SREK1: variants seen among roughly 807,000 people sequenced by gnomAD.
The protein encoded by SREK1 is splicing regulatory glutamic acid and lysine rich protein 1.
Under a neutral mutation model 66.5 loss-of-function variants are expected in SREK1, and 13 were observed. The ratio of observed to expected loss-of-function variants is 0.20; its 90% CI spans 0.13 to 0.31. SREK1 has a LOEUF of 0.31. SREK1 is among the 10% of genes least tolerant of loss of function. The probability of loss-of-function intolerance (pLI) is 1.00; values close to 1 mark genes in which losing one functional copy is unlikely to be tolerated. For missense variants in SREK1, 607 were observed against 769.6 expected, an observed-to-expected ratio of 0.79 and a Z score of 2.50; for synonymous variants, 265 against 263.5, an observed-to-expected ratio of 1.01 and a Z score of -0.05.
rs1309376243 is a variant in SREK1, at chr5:66,182,200, G to A, written c.*3332G>A. ...CTTATAATTTCAGTGAATCATTTAC[G>A]TTTTCATTGGAAGACAGTATCTGAT... On this transcript the variant is annotated 3_prime_UTR_variant, in exon 12 of 12. Coordinates refer to ENST00000334121, the MANE Select transcript of SREK1 (RefSeq NM_001077199.3). 6.6e-6 allele frequency: 1 copy of A among 152,074 alleles called. No individual in the cohort carries two copies. The highest frequency in any genetic ancestry group is 2.4e-5 in the African/African-American group (1 of 41,420). 9.4% of individuals were successfully genotyped at this position (152,074 alleles called of 1,614,324 possible).
chr5:66,155,266 GT>G (rs1744191089), intron 2 of SREK1, among the ~76,000 whole-genome samples: 1 of 152,270 alleles, frequency 6.6e-6, no homozygotes, highest in Non-Finnish European at 1.5e-5. Context: ...CAGTTTTACT[GT>G]TTTTGAACAG....
chr5:66,171,005 A>T lies in SREK1; in HGVS notation c.1484+58A>T, dbSNP rs115398662. ...TTTGCTGATGACAATTGGAAACAAAATTTTTTACGGAGGGAGAAAAGGTTA... is the reference window on the plus strand; with the variant it reads ...TTTGCTGATGACAATTGGAAACAAATTTTTTTACGGAGGGAGAAAAGGTTA... On this transcript the variant is annotated intron_variant, in intron 9 of 11. Transcript: ENST00000334121. 6.2e-3 allele frequency: 9,611 copies of T among 1,540,390 alleles called. 46 individuals are homozygous for T. Among genetic ancestry groups the T allele is most frequent in the Non-Finnish European group, 7.9e-3 (9,058 of 1,149,882 alleles).
intron 1 of SREK1, among the ~76,000 whole-genome samples, chr5:66,149,726 T>G (rs1433299363): frequency 1.3e-5 from 2 of 152,264 alleles, no homozygotes; most frequent in East Asian, 3.8e-4. Context: ...AAAAGAGTTA[T>G]TCCTGTTGGA....
chr5:66,159,179 T>C (rs1419754500), intron 2 of SREK1, 40 bp from the exon 3 acceptor site: 2 of 1,581,494 alleles, frequency 1.3e-6, no homozygotes, highest in East Asian at 4.5e-5. Context: ...GTTTGTGTGG[T>C]GTTTCTGCTT....
intron 7 of SREK1, chr5:66,168,686 T>G (rs1176186043): frequency 6.6e-6 from 1 of 152,138 alleles, no homozygotes; most frequent in Non-Finnish European, 1.5e-5. Flanking sequence ...CCAACTATAT[T>G]TCTTTTACTG....
intron 7 of SREK1, chr5:66,165,508 C>T (rs193090404): frequency 6.6e-6 from 1 of 152,328 alleles, no homozygotes; most frequent in East Asian, 1.9e-4. Context: ...TATTTTTGAT[C>T]ATAGCTTTGT....
At chr5:66,144,620 C>G in intron 1 of SREK1, 83 bp downstream of exon 1, 1 of 1,465,300 alleles carries the variant, frequency 6.8e-7, no homozygotes, top group Non-Finnish European at 9.0e-7. Flanking sequence ...AGCGCGGACG[C>G]GGGCGCGCGG....
In SREK1 at chr5:66,162,160, C is replaced by T. The variant is rs565281010; in HGVS notation, c.463C>T (p.Pro155Ser). 1.2e-6 allele frequency: 2 copies of T among 1,613,940 alleles called. No individual in the cohort carries two copies. Among genetic ancestry groups the T allele is most frequent in the South Asian group, 1.1e-5 (1 of 91,076 alleles). The stretch of plus-strand genomic sequence containing the variant: ...AGCTATACCAGCAGCAGCACTAGAC[C>T]CCAACATTGCAACACTTGGAGAGAT... Reference protein sequence around the residue: ...LGAIPAAALDPNIATLGEIPQ... With the variant: ...LGAIPAAALDSNIATLGEIPQ... The change falls in exon 4 of 12, where the codon CCC becomes TCC. Residue 155 changes from proline to serine, a missense_variant. This residue lies in a region of SREK1 where 99 missense variants were observed against 186.6 expected (regional missense o/e 0.53). Coordinates refer to ENST00000334121, the MANE Select transcript of SREK1 (RefSeq NM_001077199.3).
chr5:66,160,881 C>G (rs1222921665), intron 3 of SREK1, among the ~76,000 whole-genome samples: 1 of 152,086 alleles, frequency 6.6e-6, no homozygotes, highest in Non-Finnish European at 1.5e-5. Context: ...TCTTTTCGTT[C>G]TGAAAAATTT....
intron 6 of SREK1, 189 bp from the exon 7 acceptor site, chr5:66,164,594 A>G: frequency 6.6e-7 from 1 of 1,521,078 alleles, no homozygotes; most frequent in Non-Finnish European, 8.8e-7. Flanking sequence ...TCTGGTTTAT[A>G]TGTACTGCTG....
chr5:66,176,808 T>C (rs1746093573), intron 10 of SREK1, among the ~76,000 whole-genome samples: 1 of 152,094 alleles, frequency 6.6e-6, no homozygotes, highest in African/African-American at 2.4e-5. Flanking sequence ...ATAGGAAAGT[T>C]ATTGATTTCT....
rs182413358 is a variant in SREK1, at chr5:66,144,511, C to G, written c.135C>G (p.Ile45Met). The G allele has an allele frequency of 6.4e-7, 1 of 1,551,666 alleles. No individual in the cohort carries two copies. Among genetic ancestry groups the G allele is most frequent in the Non-Finnish European group, 8.7e-7 (1 of 1,147,016 alleles). The change falls in exon 1 of 12, where the codon ATC becomes ATG. Residue 45 changes from isoleucine to methionine, a missense_variant. Transcript: ENST00000334121. ...MRTLFSFLGE[I>M]EELRLYPPDN... ...CGCTTTTTTCCTTCCTAGGAGAAAT[C>G]GAGGAGCTGCGGCTCTACCCCCCGG...
rs1050147491 is a variant in SREK1 at position 66,183,615 on chromosome 5, T to C, written c.*4747T>C. ...TAATAAAATGAAAATCTTAAAATCT[T>C]GCCACTGTTGAGTAGTAATTTCACC... On this transcript the variant is annotated 3_prime_UTR_variant, in exon 12 of 12. Transcript: ENST00000334121. 2 of 152,206 alleles carry C rather than the reference T, an allele frequency of 1.3e-5. No individual in the cohort carries two copies. Among genetic ancestry groups the C allele is most frequent in the Non-Finnish European group, 2.9e-5 (2 of 68,022 alleles). 9.4% of individuals were successfully genotyped at this position (152,206 alleles called of 1,614,324 possible). A position where few individuals can be genotyped will look rare whatever the true frequency, so the allele number is the denominator to read the frequency against.
intron 1 of SREK1, among the ~76,000 whole-genome samples, chr5:66,146,977 A>C (rs1036629834): frequency 1.3e-5 from 2 of 152,160 alleles, no homozygotes; most frequent in East Asian, 1.9e-4. Flanking sequence ...CTAGCTACTC[A>C]GGAGGCTGAG....
At chr5:66,158,672 CAT>C in intron 2 of SREK1, 4 of 650,022 alleles carry the variant, frequency 6.2e-6, no homozygotes, top group Non-Finnish European at 8.9e-6. Flanking sequence ...TAGGGGCACT[CAT>C]TAAGAAATTT....
chr5:66,167,246 A>C (rs1745251440), intron 7 of SREK1: 1 of 152,200 alleles, frequency 6.6e-6, no homozygotes, highest in Admixed American at 6.6e-5. Context: ...GGCTAGGACT[A>C]GGGAGGTATG....
At chr5:66,159,604 T>A (rs988787533) in intron 3 of SREK1, among the ~76,000 whole-genome samples, 1 of 152,144 alleles carries the variant, frequency 6.6e-6, no homozygotes, top group Non-Finnish European at 1.5e-5. Context: ...AAACTCAATA[T>A]TTTAGATAGC....
At chr5:66,161,062 G>A (rs1367747151) in intron 3 of SREK1, among the ~76,000 whole-genome samples, 1 of 152,068 alleles carries the variant, frequency 6.6e-6, no homozygotes, top group Non-Finnish European at 1.5e-5. Context: ...ATAAGTAAGG[G>A]CTCAATATTT....
At chr5:66,151,357 C>A (rs1291385093) in intron 1 of SREK1, among the ~76,000 whole-genome samples, 1 of 152,066 alleles carries the variant, frequency 6.6e-6, no homozygotes, top group Non-Finnish European at 1.5e-5. Context: ...GGTTACATGG[C>A]CACACCTAAC....
Sources: allele counts gnomAD v4.1 joint callset (sites outside exome capture counted in the v4.1 genomes callset), GRCh38; gene constraint gnomAD v4.1.1; regional missense constraint gnomAD v4.1.1; transcripts MANE v1.5; gene names NCBI Gene and HGNC (gene_info 2026-07-23, HGNC 2026-07-21).